The following LRRN2 variants were observed in gnomAD, a reference collection of about 807,000 sequenced individuals.
LRRN2 encodes the protein leucine-rich repeat neuronal protein 2.
A neutral mutation model predicts 35.7 loss-of-function variants in LRRN2; 10 were observed. The ratio of observed to expected loss-of-function variants is 0.28; its 90% CI spans 0.17 to 0.47. The LOEUF is 0.47. LRRN2 is among the 20% of genes least tolerant of loss of function. The pLI, the probability that LRRN2 is intolerant of heterozygous loss-of-function variation, is 0.99. For synonymous variants in LRRN2, 391 were observed against 409.6 expected, an observed-to-expected ratio of 0.95 and a Z score of 0.55; for missense variants, 731 against 940.3, an observed-to-expected ratio of 0.78 and a Z score of 2.91.
chr1:204,661,047 A>G, intron 1 of LRRN2, among the ~76,000 whole-genome samples: 1 of 152,170 alleles, frequency 6.6e-6, no homozygotes, highest in East Asian at 1.9e-4. Flanking sequence ...AGGAAACTGC[A>G]ATGAGAGGGA....
chr1:204,663,949 G>A (rs910587206), intron 1 of LRRN2: 4 of 152,268 alleles, frequency 2.6e-5, no homozygotes, highest in African/African-American at 9.7e-5. Flanking sequence ...TGATACGTCA[G>A]GCCAAGGAGA....
At chr1:204,649,098 C>G (rs1285481076) in intron 1 of LRRN2, among the ~76,000 whole-genome samples, 1 of 152,210 alleles carries the variant, frequency 6.6e-6, no homozygotes, top group Non-Finnish European at 1.5e-5. Context: ...AAAGCCAGGA[C>G]AAGAACTCAG....
intron 1 of LRRN2, among the ~76,000 whole-genome samples, chr1:204,670,346 G>A (rs1313803253): frequency 3.3e-5 from 5 of 152,192 alleles, no homozygotes. Context: ...CACTGGAGGA[G>A]GATCAGGCAG....
intron 1 of LRRN2, among the ~76,000 whole-genome samples, chr1:204,640,730 T>C (rs1667958265): frequency 6.6e-6 from 1 of 152,100 alleles, no homozygotes; most frequent in Admixed American, 6.6e-5. Flanking sequence ...TACTCCCTTG[T>C]CCCACTGGCA....
At chr1:204,655,836 T>C (rs1215581384) in intron 1 of LRRN2, among the ~76,000 whole-genome samples, 1 of 152,182 alleles carries the variant, frequency 6.6e-6, no homozygotes, top group Non-Finnish European at 1.5e-5. Context: ...GCAGGATAAT[T>C]GTGTTCAGAG....
At chr1:204,661,942 C>T (rs1668481680) in intron 1 of LRRN2, among the ~76,000 whole-genome samples, 2 of 152,166 alleles carry the variant, frequency 1.3e-5, no homozygotes, top group South Asian at 2.1e-4. Flanking sequence ...GCACCCTGCC[C>T]CAGGATGGCT....
In LRRN2 at chr1:204,619,527, T is replaced by C; in HGVS notation, c.466A>G (p.Ile156Val). The C allele has an allele frequency of 6.2e-7, 1 of 1,614,168 alleles. No homozygotes were observed. Among genetic ancestry groups the C allele is most frequent in the Non-Finnish European group, 8.5e-7 (1 of 1,180,020 alleles). ...AGGCCAGAAAAGGCCCTGGGGGCGA[T>C]GCGGTAGAGCTGGTTGTGGTTGAGA... ...LYLNHNQLYRIAPRAFSGLSN... is the reference protein window; with the variant it reads ...LYLNHNQLYRVAPRAFSGLSN... Residue 156 changes from isoleucine to valine, a missense_variant, in exon 2 of 2, where the codon ATC (isoleucine) becomes GTC (valine). Coordinates refer to ENST00000367177, the MANE Select transcript of LRRN2 (RefSeq NM_201630.2).
At chr1:204,652,476 G>A (rs1326964848) in intron 1 of LRRN2, among the ~76,000 whole-genome samples, 1 of 152,012 alleles carries the variant, frequency 6.6e-6, no homozygotes, top group Non-Finnish European at 1.5e-5. Context: ...TTATCTGGAT[G>A]ATGCCTGGCA....
chr1:204,664,934 G>C (rs1668546305), intron 1 of LRRN2, among the ~76,000 whole-genome samples: 2 of 152,082 alleles, frequency 1.3e-5, no homozygotes, highest in African/African-American at 2.4e-5. Flanking sequence ...CTGATGGTCA[G>C]CTCTTTAATC....
intron 1 of LRRN2, among the ~76,000 whole-genome samples, chr1:204,660,946 T>C (rs1316890169): frequency 1.3e-5 from 2 of 152,102 alleles, no homozygotes; most frequent in African/African-American, 4.8e-5. Context: ...CACAGCAGCA[T>C]TGGTGACGGC....
chr1:204,684,941 C>T (rs1340710951), intron 1 of LRRN2, among the ~76,000 whole-genome samples: 5 of 152,218 alleles, frequency 3.3e-5, no homozygotes, highest in Non-Finnish European at 5.9e-5. Context: ...CTCTCGGCTC[C>T]TCCACATCTC....
intron 1 of LRRN2, among the ~76,000 whole-genome samples, chr1:204,654,209 T>G (rs1451180339): frequency 6.6e-6 from 1 of 152,072 alleles, no homozygotes; most frequent in Non-Finnish European, 1.5e-5. Flanking sequence ...CAACCCAAAG[T>G]CAGTAAGGAC....
intron 1 of LRRN2, among the ~76,000 whole-genome samples, chr1:204,683,634 G>T (rs1278984884): frequency 6.6e-6 from 1 of 152,102 alleles, no homozygotes; most frequent in Non-Finnish European, 1.5e-5. Context: ...TTAGGGAGAG[G>T]GTGTGGATTT....
intron 1 of LRRN2, among the ~76,000 whole-genome samples, chr1:204,670,906 T>G (rs1668695698): frequency 6.6e-6 from 1 of 152,092 alleles, no homozygotes; most frequent in South Asian, 2.1e-4. Flanking sequence ...TTTCAGACAT[T>G]TGGCTTGTAC....
At chr1:204,663,587 A>G (rs1025242638) in intron 1 of LRRN2, among the ~76,000 whole-genome samples, 1 of 152,178 alleles carries the variant, frequency 6.6e-6, no homozygotes, top group African/African-American at 2.4e-5. Context: ...TACCCTGGGA[A>G]ATGCAACCCA....
chr1:204,658,028 A>G (rs1211336433), intron 1 of LRRN2, among the ~76,000 whole-genome samples: 1 of 120,258 alleles, frequency 8.3e-6, no homozygotes, highest in East Asian at 2.5e-4. Flanking sequence ...CCCAGGCTGG[A>G]GTGCAATGGC....
intron 1 of LRRN2, among the ~76,000 whole-genome samples, chr1:204,646,271 C>T (rs962367672): frequency 2.6e-4 from 40 of 152,264 alleles, no homozygotes; most frequent in African/African-American, 9.4e-4. Context: ...ATCAGAAATA[C>T]TTGACCTGAC....
chr1:204,640,874 A>G (rs142456968), intron 1 of LRRN2, among the ~76,000 whole-genome samples: 57 of 152,268 alleles, frequency 3.7e-4, no homozygotes, highest in African/African-American at 1.4e-3. Flanking sequence ...AAGACCACAC[A>G]GTTCCACATC....
At chr1:204,660,552 GACACAC>G (rs72072762) in intron 1 of LRRN2, among the ~76,000 whole-genome samples, 11 of 143,196 alleles carry the variant, frequency 7.7e-5, no homozygotes, top group Non-Finnish European at 1.5e-4. Context: ...GCCTTACACA[GACACAC>G]ACACACACAC....
Sources: gnomAD v4.1 joint callset for allele counts (sites outside exome capture counted in the v4.1 genomes callset) on GRCh38, gnomAD v4.1.1 for gene constraint, MANE v1.5 for transcripts, NCBI Gene and HGNC (gene_info 2026-07-23, HGNC 2026-07-21) for gene names.